The following UBE2L3 variants were observed in gnomAD, a reference collection of about 807,000 sequenced individuals.
The protein encoded by UBE2L3 is ubiquitin-conjugating enzyme E2 L3.
In UBE2L3, 1 loss-of-function variant was observed where a neutral mutation model predicts 17.8. The ratio of observed to expected loss-of-function variants is 0.06; its 90% CI spans 0.02 to 0.27. The LOEUF (loss-of-function observed/expected upper bound fraction) is 0.27, where lower values mean the gene tolerates loss of function less well. Among genes scored for constraint, UBE2L3 ranks in the 10% least tolerant of loss-of-function variants. The pLI is 1.00. For missense variants in UBE2L3, 40 were observed against 192.6 expected (o/e 0.21, Z 4.69); for synonymous variants, 44 against 68.5 (o/e 0.64, Z 1.76).
At chr22:21,598,183 A>G (rs1928654337) in intron 2 of UBE2L3, among the ~76,000 whole-genome samples, 2 of 103,732 alleles carry the variant, frequency 1.9e-5, no homozygotes, top group African/African-American at 5.9e-5. Flanking sequence ...CTCTTCAAGG[A>G]AGGTTTCATT....
chr22:21,559,952 C>A (rs944562704), intron 1 of UBE2L3, among the ~76,000 whole-genome samples: 2 of 152,294 alleles, frequency 1.3e-5, no homozygotes, highest in Non-Finnish European at 2.9e-5. Flanking sequence ...GCCTGCCTGG[C>A]TGGTCCACAT....
chr22:21,593,082 C>T, intron 2 of UBE2L3, 126 bp downstream of exon 2: 3 of 773,904 alleles, frequency 3.9e-6, no homozygotes, highest in Non-Finnish European at 6.6e-6. Flanking sequence ...ACAGAAGTGG[C>T]TGTCGCTCTA....
At chr22:21,613,871 A>C (rs1929634243) in intron 3 of UBE2L3, among the ~76,000 whole-genome samples, 1 of 152,248 alleles carries the variant, frequency 6.6e-6, no homozygotes, top group Admixed American at 6.5e-5. Flanking sequence ...ACAAGGCTAC[A>C]TTGGACCCCT....
rs372088871 is a variant in UBE2L3 at position 21,577,113 on chromosome 22, C to T, written c.27+9342C>T. Among the ~76,000 whole-genome samples the T allele has an allele frequency of 1.6e-4, 25 of 152,064 alleles. No individual in the cohort carries two copies. The East Asian group carries it at 4.3e-3, about 26-fold the overall frequency. On this transcript the variant is annotated intron_variant, in intron 1 of 3. Transcript: ENST00000342192. The stretch of plus-strand genomic sequence containing the variant: ...CCTCTCGAGTAGCTGGGACTACAGG[C>T]GCTCGCCACTACACCCAGCTAATCT...
chr22:21,586,959 C>T (rs1196244757), intron 1 of UBE2L3, among the ~76,000 whole-genome samples: 1 of 149,714 alleles, frequency 6.7e-6, no homozygotes, highest in African/African-American at 2.5e-5. Context: ...GATCTTGGCT[C>T]ACGGCAACCT....
chr22:21,556,617 TTTTTTTTTTGTA>T (rs1326474075), intron 1 of UBE2L3, among the ~76,000 whole-genome samples: 5 of 142,562 alleles, frequency 3.5e-5, no homozygotes, highest in African/African-American at 6.2e-5. Flanking sequence ...CTTTTTTCTT[TTTTTTTTTTGTA>T]TTTTTTTTTT....
intron 2 of UBE2L3, among the ~76,000 whole-genome samples, chr22:21,605,501 TTTTC>T (rs1262867576): frequency 1.3e-5 from 2 of 152,042 alleles, no homozygotes; most frequent in Non-Finnish European, 2.9e-5. Context: ...GGTTTCTTTT[TTTTC>T]TTTTTCTTTT....
At chr22:21,559,878 C>T (rs1926368500) in intron 1 of UBE2L3, among the ~76,000 whole-genome samples, 3 of 152,288 alleles carry the variant, frequency 2.0e-5, no homozygotes, top group African/African-American at 4.8e-5. Flanking sequence ...TTCCTTTCAT[C>T]CCCCAGCACT....
chr22:21,612,398 T>G (rs1374732282), intron 3 of UBE2L3, among the ~76,000 whole-genome samples: 1 of 152,166 alleles, frequency 6.6e-6, no homozygotes, highest in Non-Finnish European at 1.5e-5. Flanking sequence ...CGATCTCTGC[T>G]CACTGCAACC....
chr22:21,578,085 C>T (rs531151388), intron 1 of UBE2L3, among the ~76,000 whole-genome samples: 3 of 152,098 alleles, frequency 2.0e-5, no homozygotes, highest in East Asian at 3.9e-4. Flanking sequence ...CGGCCGGGCA[C>T]GGTGGCTCAG....
At chr22:21,589,521 C>G (rs1196733488) in intron 1 of UBE2L3, among the ~76,000 whole-genome samples, 1 of 152,128 alleles carries the variant, frequency 6.6e-6, no homozygotes, top group African/African-American at 2.4e-5. Context: ...AGCATCCTGG[C>G]CACTCATAGT....
intron 3 of UBE2L3, among the ~76,000 whole-genome samples, chr22:21,615,459 G>A (rs1442118083): frequency 6.6e-6 from 1 of 151,584 alleles, no homozygotes; most frequent in Admixed American, 6.6e-5. Context: ...GGAGGCTGAG[G>A]CAGGAGAATG....
intron 3 of UBE2L3, among the ~76,000 whole-genome samples, chr22:21,619,766 A>C (rs527424699): frequency 6.6e-6 from 1 of 152,284 alleles, no homozygotes; most frequent in East Asian, 1.9e-4. Context: ...ATCTCGGCTC[A>C]CTGCAACTGC....
upstream of UBE2L3, among the ~76,000 whole-genome samples, chr22:21,566,523 C>T (rs1202279463): frequency 2.0e-5 from 3 of 151,224 alleles, no homozygotes; most frequent in East Asian, 3.9e-4. Flanking sequence ...GAGGTCGAGG[C>T]GGCAGTGAGC....
intron 1 of UBE2L3, among the ~76,000 whole-genome samples, chr22:21,562,574 T>C (rs1332446550): frequency 3.3e-5 from 5 of 151,764 alleles, no homozygotes; most frequent in African/African-American, 4.8e-5. Flanking sequence ...GGTTTCACCA[T>C]GTTAGCCAGG....
At chr22:21,561,864 C>G (rs1926443735) in intron 1 of UBE2L3, among the ~76,000 whole-genome samples, 1 of 143,894 alleles carries the variant, frequency 6.9e-6, no homozygotes, top group African/African-American at 2.6e-5. Context: ...TGGTACCCAG[C>G]TTCCTAGCCC....
At chr22:21,568,955 A>G (rs1926802825) in intron 1 of UBE2L3, among the ~76,000 whole-genome samples, 1 of 152,192 alleles carries the variant, frequency 6.6e-6, no homozygotes, top group Non-Finnish European at 1.5e-5. Flanking sequence ...ACAAAAGAAC[A>G]GTCAGAGGAC....
upstream of UBE2L3, among the ~76,000 whole-genome samples, chr22:21,565,515 G>A (rs549953636): frequency 1.3e-5 from 2 of 151,336 alleles, no homozygotes; most frequent in Non-Finnish European, 2.9e-5. Flanking sequence ...ACTTTGGGAG[G>A]CCAAGGTGGG....
intron 1 of UBE2L3, among the ~76,000 whole-genome samples, chr22:21,589,956 C>G (rs927523901): frequency 6.6e-6 from 1 of 152,152 alleles, no homozygotes; most frequent in African/African-American, 2.4e-5. Context: ...GTGTGGCTCA[C>G]TCCCATGGCA....
Sources: gnomAD v4.1 joint callset for allele counts (sites outside exome capture counted in the v4.1 genomes callset) on GRCh38, gnomAD v4.1.1 for gene constraint, MANE v1.5 for transcripts, NCBI Gene and HGNC (gene_info 2026-07-23, HGNC 2026-07-21) for gene names.